Variants in ZBTB20 observed in about 807,000 individuals in gnomAD.
The protein encoded by ZBTB20 is zinc finger and BTB domain-containing protein 20.
Under a neutral mutation model 56.9 loss-of-function variants are expected in ZBTB20, and 9 were observed. That is an observed-to-expected ratio of 0.16 (90% CI 0.10 to 0.28). The LOEUF (loss-of-function observed/expected upper bound fraction) is 0.28, where lower values mean the gene tolerates loss of function less well. ZBTB20 is among the 10% of genes least tolerant of loss of function. ZBTB20 has a pLI of 1.00. For missense variants in ZBTB20, 655 were observed against 1,003.0 expected, an observed-to-expected ratio of 0.65 and a Z score of 4.69; for synonymous variants, 417 against 420.7, an observed-to-expected ratio of 0.99 and a Z score of 0.11.
chr3:114,666,978 G>T (rs957375314), intron 6 of ZBTB20, among the ~76,000 whole-genome samples: 3 of 151,964 alleles, frequency 2.0e-5, no homozygotes, highest in Non-Finnish European at 4.4e-5. Context: ...GGCAATAAAA[G>T]CTTTGGTGAT....
At chr3:114,952,594 G>GA (rs35864191) in intron 3 of ZBTB20, among the ~76,000 whole-genome samples, 3,348 of 140,696 alleles carry the variant, frequency 0.024, 119 homozygotes, top group African/African-American at 0.08. Context: ...ACCCCAAACA[G>GA]AAAAAAAAAA....
At chr3:114,932,490 C>T (rs1175269111) in intron 3 of ZBTB20, among the ~76,000 whole-genome samples, 2 of 152,208 alleles carry the variant, frequency 1.3e-5, no homozygotes, top group Non-Finnish European at 2.9e-5. Flanking sequence ...CAGATATTAT[C>T]AATCCCTAGG....
intron 7 of ZBTB20, among the ~76,000 whole-genome samples, chr3:114,407,700 A>G (rs1403465582): frequency 6.6e-6 from 1 of 152,222 alleles, no homozygotes; most frequent in East Asian, 1.9e-4. Flanking sequence ...AGTTATTTAC[A>G]TTAATTTTCA....
chr3:115,042,753 A>G (rs896741533), intron 2 of ZBTB20, among the ~76,000 whole-genome samples: 1 of 152,214 alleles, frequency 6.6e-6, no homozygotes, highest in Non-Finnish European at 1.5e-5. Flanking sequence ...AGTGAGAGCT[A>G]ATTTGTTAGG....
chr3:115,020,655 T>C (rs1358514423), intron 2 of ZBTB20, among the ~76,000 whole-genome samples: 1 of 151,068 alleles, frequency 6.6e-6, no homozygotes, highest in Non-Finnish European at 1.5e-5. Context: ...GTACTCATTA[T>C]AGTCTCTCCC....
At position 114,573,428 on chromosome 3, in the gene ZBTB20, C is replaced by T. The variant is rs1344575375; in HGVS notation, c.-294-73037G>A. On this transcript the variant is annotated intron_variant, in intron 6 of 11. Transcript: ENST00000675478. Reference sequence around the variant, plus strand: ...TGAGCCAAGATCTGACACTTCATTCCAGCTTGGGCTACAGAGTGAGACTCC... The same window carrying T: ...TGAGCCAAGATCTGACACTTCATTCTAGCTTGGGCTACAGAGTGAGACTCC... 2.1e-5 allele frequency among the ~76,000 whole-genome samples: 3 copies of T among 144,606 alleles called. No homozygotes were observed. In the East Asian group the frequency reaches 6.1e-4, roughly 29 times the overall value. The allele number at this position is 144,606 out of a possible 152,430, so 94.9% of individuals were successfully genotyped here. A position where few individuals can be genotyped will look rare whatever the true frequency, so the allele number is the denominator to read the frequency against.
rs1326863581 is a variant in ZBTB20, at chr3:114,324,972, T to C, written c.*14033A>G. 3 of 152,144 alleles carry C rather than the reference T, an allele frequency of 2.0e-5. No individual in the cohort carries two copies. Among genetic ancestry groups the C allele is most frequent in the Non-Finnish European group, 4.4e-5 (3 of 68,022 alleles). The allele number at this position is 152,144 out of a possible 1,614,324, so 9.4% of individuals were successfully genotyped here. On this transcript the variant is annotated 3_prime_UTR_variant, in exon 12 of 12. Transcript: ENST00000675478. Reference sequence around the variant, plus strand: ...TAGATTGTGGGAAAGGAATTAAGCATAGTGGGGTCAGCACACTCAAATTAC... The same window carrying C: ...TAGATTGTGGGAAAGGAATTAAGCACAGTGGGGTCAGCACACTCAAATTAC...
At chr3:114,425,851 T>A (rs2089601559) in intron 7 of ZBTB20, among the ~76,000 whole-genome samples, 1 of 152,232 alleles carries the variant, frequency 6.6e-6, no homozygotes, top group African/African-American at 2.4e-5. Flanking sequence ...CTATACAAAT[T>A]CTGTGTAACC....
intron 3 of ZBTB20, among the ~76,000 whole-genome samples, chr3:114,937,054 T>A (rs568598010): frequency 3.3e-5 from 5 of 152,182 alleles, no homozygotes; most frequent in African/African-American, 1.2e-4. Context: ...TCTTTGTTAT[T>A]GTGAATAGCG....
chr3:114,345,198 C>T (rs985471199), intron 11 of ZBTB20, among the ~76,000 whole-genome samples: 1 of 151,948 alleles, frequency 6.6e-6, no homozygotes, highest in African/African-American at 2.4e-5. Flanking sequence ...AGGTGGTTTT[C>T]GGTGAATGTG....
At chr3:114,810,351 T>C (rs1339781674) in intron 4 of ZBTB20, among the ~76,000 whole-genome samples, 1 of 152,222 alleles carries the variant, frequency 6.6e-6, no homozygotes, top group East Asian at 1.9e-4. Flanking sequence ...AACTTCAGGC[T>C]ACATATGATG....
rs1274228 is a variant in ZBTB20, at chr3:114,726,650, T to A, written c.-342-33075A>T. On this transcript the variant is annotated intron_variant, in intron 5 of 11. Transcript: ENST00000675478. The stretch of plus-strand genomic sequence containing the variant: ...GAGATAGGCCGGGCGCGGTGGCTCA[T>A]GCCTGTAATCCCAGCACTTTGGGAG... 3.4e-3 allele frequency among the ~76,000 whole-genome samples: 511 copies of A among 152,026 alleles called. 3 individuals are homozygous for A. Among genetic ancestry groups the A allele is most frequent in the African/African-American group, 0.012 (478 of 41,404 alleles).
Position 114,913,907 on chromosome 3 carries a change from C to T in ZBTB20, c.-455-13565G>A, listed in dbSNP as rs192393282. Among the ~76,000 whole-genome samples, 130 of 151,854 alleles carry T rather than the reference C, an allele frequency of 8.6e-4. 1 individual carries two copies. The highest frequency in any genetic ancestry group is 2.9e-3 in the African/African-American group (121 of 41,450). ...AGTTCACTGTAAACGTATGAATTTG[C>T]TTCTGGGTTCTCTATTCTGTTCCAT... On this transcript the variant is annotated intron_variant, in intron 3 of 11. Transcript: ENST00000675478.
intron 6 of ZBTB20, among the ~76,000 whole-genome samples, chr3:114,544,968 G>A (rs919222902): frequency 2.0e-5 from 3 of 152,198 alleles, no homozygotes; most frequent in Non-Finnish European, 4.4e-5. Context: ...CCTATTTCAT[G>A]TGGTTATCAT....
At chr3:114,863,868 A>C (rs2075645907) in intron 4 of ZBTB20, among the ~76,000 whole-genome samples, 1 of 152,056 alleles carries the variant, frequency 6.6e-6, no homozygotes, top group South Asian at 2.1e-4. Flanking sequence ...AGGGACATTA[A>C]GTTTGGTGTT....
chr3:114,352,830 G>A (rs1017156249), intron 10 of ZBTB20, among the ~76,000 whole-genome samples: 4 of 152,212 alleles, frequency 2.6e-5, no homozygotes, highest in Non-Finnish European at 5.9e-5. Flanking sequence ...GATAGCAGGA[G>A]TAAGCCAGAA....
At chr3:115,054,867 G>A (rs2081696442) in intron 2 of ZBTB20, among the ~76,000 whole-genome samples, 3 of 151,980 alleles carry the variant, frequency 2.0e-5, no homozygotes, top group Admixed American at 2.0e-4. Flanking sequence ...TACTCTTATA[G>A]TGACTTACAG....
rs915688140 is a variant in ZBTB20 at position 114,332,425 on chromosome 3, C to T, written c.*6580G>A. ...TGTTTAAAACTAGTACTCCCGGGCA[C>T]CTGTGATTGCATTTTATAGGATTCT... On this transcript the variant is annotated 3_prime_UTR_variant, in exon 12 of 12. Transcript: ENST00000675478. 1.3e-5 allele frequency: 2 copies of T among 152,172 alleles called. No homozygotes were observed. The highest frequency in any genetic ancestry group is 2.4e-5 in the African/African-American group (1 of 41,432). 9.4% of individuals were successfully genotyped at this position (152,172 alleles called of 1,614,324 possible). A position where few individuals can be genotyped will look rare whatever the true frequency, so the allele number is the denominator to read the frequency against.
intron 6 of ZBTB20, among the ~76,000 whole-genome samples, chr3:114,569,084 A>G (rs2053127597): frequency 6.6e-6 from 1 of 152,226 alleles, no homozygotes; most frequent in Non-Finnish European, 1.5e-5. Context: ...ATCACTTGAA[A>G]AGAAACTGAT....
Sources: gnomAD v4.1 joint callset for allele counts (sites outside exome capture counted in the v4.1 genomes callset) on GRCh38, gnomAD v4.1.1 for gene constraint, MANE v1.5 for transcripts, NCBI Gene and HGNC (gene_info 2026-07-23, HGNC 2026-07-21) for gene names.